The following STK32A variants were observed in gnomAD, a reference collection of about 807,000 sequenced individuals.
STK32A encodes serine/threonine-protein kinase 32A.
Under a neutral mutation model 53.2 loss-of-function variants are expected in STK32A, and 41 were observed. That is an observed-to-expected ratio of 0.77 (90% CI 0.60 to 1.00). The LOEUF is 1.00. Ranked by LOEUF, STK32A falls within the 50% of genes least tolerant of loss-of-function variation. STK32A has a pLI of 0.00. For synonymous variants in STK32A, 166 were observed against 162.8 expected, an observed-to-expected ratio of 1.02 and a Z score of -0.15; for missense variants, 458 against 485.8, an observed-to-expected ratio of 0.94 and a Z score of 0.54.
chr5:147,316,569 T>G (rs1753998486), intron 4 of STK32A, among the ~76,000 whole-genome samples: 1 of 152,146 alleles, frequency 6.6e-6, no homozygotes, highest in Non-Finnish European at 1.5e-5. Flanking sequence ...TAATATATTT[T>G]TAAGTATATT....
chr5:147,343,805 G>A (rs921799906), intron 6 of STK32A, among the ~76,000 whole-genome samples: 1 of 152,140 alleles, frequency 6.6e-6, no homozygotes, highest in Non-Finnish European at 1.5e-5. Flanking sequence ...AAAAATTTCA[G>A]TTTGAGAAAA....
At position 147,278,193 on chromosome 5, in the gene STK32A, G is replaced by A; in HGVS notation, c.108+14G>A. On this transcript the variant is annotated intron_variant, in intron 3 of 12. Coordinates refer to ENST00000397936, the MANE Select transcript of STK32A (RefSeq NM_001112724.2). ...AGTTTTGGGAAGGTGAGAACAAATT[G>A]AAATGATTAACCACCAGCAGGGTTA... The A allele has an allele frequency of 6.3e-7, 1 of 1,587,544 alleles. No homozygotes were observed. Among genetic ancestry groups the A allele is most frequent in the East Asian group, 2.3e-5 (1 of 44,190 alleles).
intron 6 of STK32A, 73 bp downstream of exon 6, chr5:147,343,116 G>T (rs1755519184): frequency 2.0e-6 from 3 of 1,487,150 alleles, no homozygotes; most frequent in Admixed American, 1.7e-5. Context: ...CAGCAGAGGG[G>T]TATTACACAT....
chr5:147,273,618 T>C lies in STK32A; in HGVS notation c.53-4506T>C, dbSNP rs188935207. Among the ~76,000 whole-genome samples the C allele has an allele frequency of 4.5e-4, 68 of 152,348 alleles. 1 individual carries two copies. Among genetic ancestry groups the C allele is most frequent in the Admixed American group, 7.2e-4 (11 of 15,302 alleles). On this transcript the variant is annotated intron_variant, in intron 2 of 12. Coordinates refer to ENST00000397936, the MANE Select transcript of STK32A (RefSeq NM_001112724.2). The stretch of plus-strand genomic sequence containing the variant: ...GCTAATGAGCAGAGTGTGATTTTAG[T>C]GTTTAAACTATTTTTTCCCGAATAA...
At chr5:147,397,750 C>A in the STK32A span, 1 of 1,614,176 alleles carries the variant, frequency 6.2e-7, no homozygotes, top group South Asian at 1.1e-5. Context: ...GGGTCACGTG[C>A]AGGTTGCCAT....
intron 4 of STK32A, among the ~76,000 whole-genome samples, chr5:147,303,856 G>A (rs1753264268): frequency 6.6e-6 from 1 of 152,160 alleles, no homozygotes; most frequent in Non-Finnish European, 1.5e-5. Context: ...TAGTAGAGAA[G>A]TGTTATTCTG....
At chr5:147,240,772 A>G (rs929003308) in intron 2 of STK32A, among the ~76,000 whole-genome samples, 1 of 152,208 alleles carries the variant, frequency 6.6e-6, no homozygotes, top group East Asian at 1.9e-4. Context: ...GTGACAATCT[A>G]GGCATAAGTA....
intron 8 of STK32A, among the ~76,000 whole-genome samples, chr5:147,368,560 C>G (rs1041061914): frequency 1.3e-5 from 2 of 152,046 alleles, no homozygotes; most frequent in African/African-American, 4.8e-5. Context: ...TCATTGTACC[C>G]TCAATGCCTA....
chr5:147,266,809 G>C (rs1754831391), intron 2 of STK32A, among the ~76,000 whole-genome samples: 1 of 152,092 alleles, frequency 6.6e-6, no homozygotes, highest in South Asian at 2.1e-4. Context: ...CGGATCACCT[G>C]AGGTCGGGAG....
At chr5:147,394,370 A>G in the STK32A span, among the ~76,000 whole-genome samples, 1 of 152,304 alleles carries the variant, frequency 6.6e-6, no homozygotes, top group African/African-American at 2.4e-5. Flanking sequence ...AGAGCATGAT[A>G]ATAATACTGG....
intron 2 of STK32A, 99 bp from the exon 3 acceptor site, chr5:147,278,025 T>A: frequency 9.6e-7 from 1 of 1,047,084 alleles, no homozygotes; most frequent in Non-Finnish European, 1.4e-6. Context: ...AGATCATGTT[T>A]TAGACAAGAT....
chr5:147,262,463 T>C (rs1037550450), intron 2 of STK32A, among the ~76,000 whole-genome samples: 1 of 152,168 alleles, frequency 6.6e-6, no homozygotes, highest in African/African-American at 2.4e-5. Flanking sequence ...AGAACAAAAA[T>C]AGCCCCCATT....
intron 11 of STK32A, 106 bp downstream of exon 11, chr5:147,375,324 C>G (rs766324140): frequency 1.2e-4 from 166 of 1,413,014 alleles, no homozygotes; most frequent in Non-Finnish European, 1.4e-4. Context: ...GCTTTTGCTG[C>G]TTAGTGAAAT....
intron 6 of STK32A, among the ~76,000 whole-genome samples, chr5:147,350,566 C>T (rs1755921513): frequency 6.6e-6 from 1 of 151,878 alleles, no homozygotes; most frequent in Non-Finnish European, 1.5e-5. Context: ...CAGGGTTTCA[C>T]CATTTTGGCC....
At position 147,385,264 on chromosome 5, in the gene STK32A, A is replaced by C. The variant is rs924941004; in HGVS notation, c.*1281A>C. The C allele has an allele frequency of 3.9e-5, 6 of 152,062 alleles. No individual in the cohort carries two copies. Among genetic ancestry groups the C allele is most frequent in the Admixed American group, 3.3e-4 (5 of 15,272 alleles). The allele number at this position is 152,062 out of a possible 1,614,324, so 9.4% of individuals were successfully genotyped here. ...GTGATTCTTGTGTCTCAGCCTCCTA[A>C]GTAGCTGGGATCGCATGTGTGTGCC... is the stretch of plus-strand genomic sequence containing the variant. On this transcript the variant is annotated 3_prime_UTR_variant, in exon 13 of 13. Coordinates refer to ENST00000397936, the MANE Select transcript of STK32A (RefSeq NM_001112724.2).
At chr5:147,300,867 A>G (rs1307100657) in intron 4 of STK32A, among the ~76,000 whole-genome samples, 1 of 152,214 alleles carries the variant, frequency 6.6e-6, no homozygotes, top group African/African-American at 2.4e-5. Flanking sequence ...AAGAATATGT[A>G]CTTCAAGCAC....
At chr5:147,293,654 A>T (rs1308073307) in intron 4 of STK32A, among the ~76,000 whole-genome samples, 2 of 152,058 alleles carry the variant, frequency 1.3e-5, no homozygotes, top group East Asian at 3.9e-4. Context: ...AAAAGCAAAA[A>T]CTTTTACTAT....
chr5:147,360,820 G>C (rs1317113759), intron 7 of STK32A, among the ~76,000 whole-genome samples: 1 of 152,172 alleles, frequency 6.6e-6, no homozygotes, highest in Non-Finnish European at 1.5e-5. Flanking sequence ...TTTATTCTTA[G>C]AAGGGTAAGT....
chr5:147,374,748 G>A (rs1757157517), intron 10 of STK32A, among the ~76,000 whole-genome samples: 2 of 152,140 alleles, frequency 1.3e-5, no homozygotes, highest in South Asian at 2.1e-4. Context: ...TCTGGTTGGA[G>A]AACTGGGAAG....
Sources: allele counts gnomAD v4.1 joint callset (sites outside exome capture counted in the v4.1 genomes callset), GRCh38; gene constraint gnomAD v4.1.1; transcripts MANE v1.5; gene names NCBI Gene and HGNC (gene_info 2026-07-23, HGNC 2026-07-21).